Variants in FAR2 observed in about 807,000 individuals in gnomAD.
FAR2 encodes the protein fatty acyl-CoA reductase 2.
In FAR2, 19 loss-of-function variants were observed where a neutral mutation model predicts 56.0. The observed-to-expected ratio is 0.34, with a 90% CI of 0.24 to 0.50. The LOEUF is 0.50. FAR2 is among the 20% of genes least tolerant of loss of function. FAR2 has a pLI of 0.98. For synonymous variants in FAR2, 219 were observed against 218.8 expected, an observed-to-expected ratio of 1.00 and a Z score of -0.01; for missense variants, 508 against 642.2, an observed-to-expected ratio of 0.79 and a Z score of 2.26.
At chr12:29,198,805 A>G (rs1319987825) in intron 1 of FAR2, among the ~76,000 whole-genome samples, 2 of 152,090 alleles carry the variant, frequency 1.3e-5, no homozygotes, top group African/African-American at 4.8e-5. Context: ...TTTCTTTCCT[A>G]TGCCCCCTCA....
chr12:29,216,657 G>GA lies in FAR2; in HGVS notation c.-38-53747dup, dbSNP rs201070995. Among the ~76,000 whole-genome samples, 259 of 151,648 alleles carry GA rather than the reference G, an allele frequency of 1.7e-3. 2 individuals are homozygous for GA. The East Asian group carries it at 0.042, about 25-fold the overall frequency. On this transcript the variant is annotated intron_variant, in intron 1 of 11. Transcript: ENST00000536681. ...AACCTGCAGCTAATAAGAAACAGCT[G>GA]AAAAAAAAGGCTGCTGTTAGCCTTT...
In FAR2 at chr12:29,169,603, T is replaced by C. The variant is rs140581066; in HGVS notation, c.-39+20196T>C. Among the ~76,000 whole-genome samples the C allele has an allele frequency of 8.2e-4, 125 of 152,292 alleles. No homozygotes were observed. The East Asian group carries it at 0.019, about 23-fold the overall frequency. On this transcript the variant is annotated intron_variant, in intron 1 of 11. Coordinates refer to ENST00000536681, the MANE Select transcript of FAR2 (RefSeq NM_001271783.2). ...GCCGGGCAGCGTTTCCTACTATCCCTGACTGGTTAGTGTAAAAACAACACT... is the reference window on the plus strand; with the variant it reads ...GCCGGGCAGCGTTTCCTACTATCCCCGACTGGTTAGTGTAAAAACAACACT...
In FAR2 at chr12:29,176,089, A is replaced by T. The variant is rs547053149; in HGVS notation, c.-39+26682A>T. ...TTATAAGATACGTACATAGTAATTA[A>T]ATTTTCAAAAGCACTAAACATAGCA... On this transcript the variant is annotated intron_variant, in intron 1 of 11. Coordinates refer to ENST00000536681, the MANE Select transcript of FAR2 (RefSeq NM_001271783.2). Among the ~76,000 whole-genome samples, 5 of 152,348 alleles carry T rather than the reference A, an allele frequency of 3.3e-5. 1 individual carries two copies. The highest frequency in any genetic ancestry group is 1.2e-4 in the African/African-American group (5 of 41,576).
At chr12:29,206,094 C>T (rs1283818322) in intron 1 of FAR2, among the ~76,000 whole-genome samples, 3 of 152,200 alleles carry the variant, frequency 2.0e-5, no homozygotes, top group Admixed American at 2.0e-4. Flanking sequence ...GAGAATGGTT[C>T]TATACCACTT....
chr12:29,213,547 G>C (rs1052957878), intron 1 of FAR2, among the ~76,000 whole-genome samples: 3 of 152,064 alleles, frequency 2.0e-5, no homozygotes, highest in African/African-American at 7.2e-5. Flanking sequence ...AAAATTAACC[G>C]GGTGTAGTGG....
intron 1 of FAR2, among the ~76,000 whole-genome samples, chr12:29,216,769 A>T (rs1947626336): frequency 6.6e-6 from 1 of 152,208 alleles, no homozygotes; most frequent in South Asian, 2.1e-4. Flanking sequence ...AGACTTCCAA[A>T]AATATACCAA....
At chr12:29,227,077 G>T (rs919671125) in intron 1 of FAR2, among the ~76,000 whole-genome samples, 2 of 152,148 alleles carry the variant, frequency 1.3e-5, no homozygotes, top group Admixed American at 1.3e-4. Context: ...TTTTTAAGGG[G>T]ATTATTTGTT....
At chr12:29,254,536 C>A (rs1183346350) in intron 1 of FAR2, among the ~76,000 whole-genome samples, 1 of 152,100 alleles carries the variant, frequency 6.6e-6, no homozygotes, top group African/African-American at 2.4e-5. Flanking sequence ...TCAATTAGGT[C>A]TTTGTATTTC....
chr12:29,198,375 C>T (rs1404044324), intron 1 of FAR2, among the ~76,000 whole-genome samples: 2 of 152,024 alleles, frequency 1.3e-5, no homozygotes, highest in African/African-American at 2.4e-5. Flanking sequence ...ACTACAGGCA[C>T]CTGCCACCAT....
At chr12:29,315,336 G>A (rs1949428780) in intron 8 of FAR2, among the ~76,000 whole-genome samples, 1 of 152,166 alleles carries the variant, frequency 6.6e-6, no homozygotes, top group Non-Finnish European at 1.5e-5. Context: ...GGGGGAGGAT[G>A]GTAGGAGATA....
intron 10 of FAR2, among the ~76,000 whole-genome samples, chr12:29,326,505 A>G (rs2136822246): frequency 6.6e-6 from 1 of 152,362 alleles, no homozygotes; most frequent in African/African-American, 2.4e-5. Context: ...AATCCTCAAT[A>G]AAATACTGGC....
At chr12:29,315,627 G>T (rs1225920362) in intron 8 of FAR2, among the ~76,000 whole-genome samples, 1 of 152,168 alleles carries the variant, frequency 6.6e-6, no homozygotes, top group East Asian at 1.9e-4. Flanking sequence ...TGGAAATTAT[G>T]ATTCTGGGTA....
At chr12:29,297,235 TA>T (rs776381146) in intron 4 of FAR2, 35 bp downstream of exon 4, 128 of 1,562,930 alleles carry the variant, frequency 8.2e-5, no homozygotes, top group Non-Finnish European at 1.1e-4. Flanking sequence ...AAGGGGCGGG[TA>T]GAATAAGTTC....
At chr12:29,267,071 G>T (rs576421645) in intron 1 of FAR2, among the ~76,000 whole-genome samples, 4 of 152,122 alleles carry the variant, frequency 2.6e-5, no homozygotes, top group South Asian at 4.1e-4. Flanking sequence ...AAGAAGTAGG[G>T]TACCTCAACA....
At chr12:29,304,536 G>GATAA (rs1202073074) in intron 4 of FAR2, among the ~76,000 whole-genome samples, 4 of 152,120 alleles carry the variant, frequency 2.6e-5, no homozygotes, top group African/African-American at 4.8e-5. Flanking sequence ...CAGATTTCCT[G>GATAA]ATAAACTACT....
intron 1 of FAR2, among the ~76,000 whole-genome samples, chr12:29,207,475 C>T (rs1947488905): frequency 6.6e-6 from 1 of 152,142 alleles, no homozygotes; most frequent in Non-Finnish European, 1.5e-5. Context: ...AGCAGGCCAC[C>T]CTGGGTTCTC....
intron 1 of FAR2, among the ~76,000 whole-genome samples, chr12:29,263,637 G>C (rs1003164510): frequency 1.3e-5 from 2 of 148,878 alleles, no homozygotes; most frequent in African/African-American, 4.9e-5. Context: ...TACAGTGAAA[G>C]CTGGACTGAG....
intron 1 of FAR2, among the ~76,000 whole-genome samples, chr12:29,193,996 G>A (rs1390486914): frequency 6.6e-6 from 1 of 152,114 alleles, no homozygotes; most frequent in African/African-American, 2.4e-5. Context: ...TATTTCAATA[G>A]GCAATGTACT....
intron 1 of FAR2, chr12:29,171,709 G>C (rs1949888264): frequency 6.6e-6 from 1 of 150,908 alleles, no homozygotes; most frequent in South Asian, 2.1e-4. Context: ...GGCATGTGAG[G>C]AGCACCTCGG....
Sources: gnomAD v4.1 joint callset for allele counts (sites outside exome capture counted in the v4.1 genomes callset) on GRCh38, gnomAD v4.1.1 for gene constraint, MANE v1.5 for transcripts, NCBI Gene and HGNC (gene_info 2026-07-23, HGNC 2026-07-21) for gene names.